Variants in DNAJC24 observed in about 807,000 individuals in gnomAD.
DNAJC24 encodes the protein dnaJ homolog subfamily C member 24.
A neutral mutation model predicts 18.0 loss-of-function variants in DNAJC24; 17 were observed. The observed-to-expected ratio is 0.94, with a 90% CI of 0.65 to 1.42. The LOEUF is 1.42. DNAJC24 is among the 40% of genes most tolerant of loss of function. The pLI is 0.00. For missense variants in DNAJC24, 158 were observed against 175.6 expected (o/e 0.90, Z 0.57); for synonymous variants, 55 against 57.7 (o/e 0.95, Z 0.21).
At chr11:31,393,510 G>A in intron 2 of DNAJC24, among the ~76,000 whole-genome samples, 1 of 152,184 alleles carries the variant, frequency 6.6e-6, no homozygotes, top group Non-Finnish European at 1.5e-5. Flanking sequence ...CCACCCTCAT[G>A]GGTAGGATTG....
intron 3 of DNAJC24, among the ~76,000 whole-genome samples, chr11:31,421,443 C>T (rs527316541): frequency 2.0e-5 from 3 of 152,136 alleles, no homozygotes; most frequent in South Asian, 4.1e-4. Context: ...ATGAGAGCAT[C>T]GTGGGGATGT....
At chr11:31,407,338 TTTACCATAAAAC>T (rs1276635192) in intron 2 of DNAJC24, 1 of 152,208 alleles carries the variant, frequency 6.6e-6, no homozygotes, top group East Asian at 1.9e-4. Context: ...ATGTAGCCAC[TTTACCATAAAAC>T]TCTTACGTGT....
chr11:31,413,687 C>T (rs1163606284), intron 2 of DNAJC24, among the ~76,000 whole-genome samples: 2 of 152,094 alleles, frequency 1.3e-5, no homozygotes, highest in Non-Finnish European at 2.9e-5. Context: ...CTCCACACTG[C>T]TAAGGATCCT....
intron 2 of DNAJC24, among the ~76,000 whole-genome samples, chr11:31,393,644 A>C (rs1952519414): frequency 6.6e-6 from 1 of 152,094 alleles, no homozygotes; most frequent in Admixed American, 6.6e-5. Flanking sequence ...TCATCTCGGA[A>C]GCAGAGATAC....
At position 31,432,718 on chromosome 11, in the gene DNAJC24, T is replaced by A; in HGVS notation, c.*2317T>A. ...AAGAATAAAATTTTCTACATCAAAGTAAGACTTGAGAAAATAAACTTATGT... is the reference window on the plus strand; with the variant it reads ...AAGAATAAAATTTTCTACATCAAAGAAAGACTTGAGAAAATAAACTTATGT... On this transcript the variant is annotated 3_prime_UTR_variant, in exon 5 of 5. Transcript: ENST00000465995. The A allele has an allele frequency of 1.6e-6, 1 of 624,752 alleles. No individual in the cohort carries two copies. The highest frequency in any genetic ancestry group is 2.9e-6 in the Non-Finnish European group (1 of 345,444). 38.7% of individuals were successfully genotyped at this position (624,752 alleles called of 1,614,324 possible). A position where few individuals can be genotyped will look rare whatever the true frequency, so the allele number is the denominator to read the frequency against.
intron 2 of DNAJC24, among the ~76,000 whole-genome samples, chr11:31,401,212 A>G (rs1156478430): frequency 6.6e-6 from 1 of 152,196 alleles, no homozygotes; most frequent in Admixed American, 6.5e-5. Context: ...GATTATGAAA[A>G]AGTCAGTAAA....
At chr11:31,402,033 G>A (rs767804180) in intron 2 of DNAJC24, among the ~76,000 whole-genome samples, 13 of 152,158 alleles carry the variant, frequency 8.5e-5, no homozygotes, top group Non-Finnish European at 1.5e-4. Flanking sequence ...GATATTTTCC[G>A]AGAAATGTGT....
At chr11:31,420,591 T>C (rs1952794622) in intron 3 of DNAJC24, among the ~76,000 whole-genome samples, 1 of 152,188 alleles carries the variant, frequency 6.6e-6, no homozygotes, top group Non-Finnish European at 1.5e-5. Flanking sequence ...ATAACAGCAG[T>C]TTAAAAATAA....
At chr11:31,428,183 C>G (rs978856713) in intron 4 of DNAJC24, among the ~76,000 whole-genome samples, 1 of 151,952 alleles carries the variant, frequency 6.6e-6, no homozygotes, top group Admixed American at 6.6e-5. Context: ...GCGTTATCAT[C>G]AATGTATTAT....
intron 2 of DNAJC24, among the ~76,000 whole-genome samples, chr11:31,387,765 C>G (rs774517958): frequency 6.6e-6 from 1 of 152,160 alleles, no homozygotes; most frequent in Non-Finnish European, 1.5e-5. Flanking sequence ...ACCAAACAAA[C>G]TAAATAAGGC....
At chr11:31,393,087 T>C (rs1239032874) in intron 2 of DNAJC24, among the ~76,000 whole-genome samples, 2 of 152,192 alleles carry the variant, frequency 1.3e-5, no homozygotes, top group Non-Finnish European at 2.9e-5. Context: ...GTTTTTATGT[T>C]GTAGTAGTCC....
chr11:31,396,476 C>T (rs1952543633), intron 2 of DNAJC24: 1 of 293,356 alleles, frequency 3.4e-6, no homozygotes, highest in South Asian at 3.3e-5. Context: ...AGACAGACTG[C>T]TCTCTGTGTA....
At chr11:31,420,257 T>C (rs1452407153) in intron 3 of DNAJC24, among the ~76,000 whole-genome samples, 1 of 152,056 alleles carries the variant, frequency 6.6e-6, no homozygotes, top group Non-Finnish European at 1.5e-5. Flanking sequence ...ATCCTCCTGT[T>C]CTGATTCTTA....
intron 4 of DNAJC24, among the ~76,000 whole-genome samples, chr11:31,428,279 G>C (rs541522323): frequency 6.6e-5 from 10 of 152,228 alleles, no homozygotes; most frequent in Non-Finnish European, 1.3e-4. Context: ...AATCTTAAAA[G>C]TATAGGATGC....
Position 31,432,639 on chromosome 11 carries a change from C to T in DNAJC24, c.*2238C>T. The T allele has an allele frequency of 3.0e-6, 3 of 1,000,068 alleles. No homozygotes were observed. Among genetic ancestry groups the T allele is most frequent in the African/African-American group, 1.6e-5 (1 of 63,282 alleles). The allele number at this position is 1,000,068 out of a possible 1,614,324, so 61.9% of individuals were successfully genotyped here. Reference sequence around the variant, plus strand: ...TATAGTATCATCATATTCCCTTTTGCTATCTGTCCCTTTTCTCTATGCCAG... The same window carrying T: ...TATAGTATCATCATATTCCCTTTTGTTATCTGTCCCTTTTCTCTATGCCAG... On this transcript the variant is annotated 3_prime_UTR_variant, in exon 5 of 5. Transcript: ENST00000465995.
chr11:31,430,257 G>A lies in DNAJC24; in HGVS notation c.320-14G>A. 1 of 1,598,634 alleles carries A rather than the reference G, an allele frequency of 6.3e-7. No homozygotes were observed. The highest frequency in any genetic ancestry group is 8.5e-7 in the Non-Finnish European group (1 of 1,170,380). On this transcript the variant is annotated splice_polypyrimidine_tract_variant and intron_variant, in intron 4 of 4. Transcript: ENST00000465995. ...TTACAAGTCTTTGAAAGATTATTTT[G>A]TTTTCTTTTGCAGGTGATCACTCTT...
At chr11:31,422,363 CATTAT>C (rs1345693143) in intron 3 of DNAJC24, among the ~76,000 whole-genome samples, 1 of 152,136 alleles carries the variant, frequency 6.6e-6, no homozygotes, top group Admixed American at 6.6e-5. Context: ...TCATTGGACT[CATTAT>C]AAGAGTATAC....
intron 2 of DNAJC24, among the ~76,000 whole-genome samples, chr11:31,386,446 GCCC>G (rs930146338): frequency 7.3e-6 from 1 of 136,560 alleles, no homozygotes; most frequent in Admixed American, 7.4e-5. Flanking sequence ...GAGTCCTGAG[GCCC>G]CCCATTCTAG....
At chr11:31,407,951 T>A (rs1399978025) in intron 2 of DNAJC24, among the ~76,000 whole-genome samples, 1 of 151,908 alleles carries the variant, frequency 6.6e-6, no homozygotes, top group Non-Finnish European at 1.5e-5. Context: ...ACTGGCATAT[T>A]GTTCACATTT....
Sources: allele counts gnomAD v4.1 joint callset (sites outside exome capture counted in the v4.1 genomes callset), GRCh38; gene constraint gnomAD v4.1.1; transcripts MANE v1.5; gene names NCBI Gene and HGNC (gene_info 2026-07-23, HGNC 2026-07-21).